TNS1: variants seen among roughly 807,000 people sequenced by gnomAD.
The protein encoded by TNS1 is tensin-1.
A neutral mutation model predicts 168.6 loss-of-function variants in TNS1; 62 were observed. The observed-to-expected ratio is 0.37, with a 90% CI of 0.30 to 0.45. TNS1 has a LOEUF of 0.45. TNS1 is among the 20% of genes least tolerant of loss of function. The pLI is 1.00. For missense variants in TNS1, 2,240 were observed against 2,339.4 expected, an observed-to-expected ratio of 0.96 and a Z score of 0.88; for synonymous variants, 934 against 933.2, an observed-to-expected ratio of 1.00 and a Z score of -0.02.
chr2:217,928,082 G>A (rs1320261691), intron 3 of TNS1, among the ~76,000 whole-genome samples: 1 of 152,230 alleles, frequency 6.6e-6, no homozygotes, highest in Non-Finnish European at 1.5e-5. Context: ...GCCCAGGGGA[G>A]AGGGCCAGTT....
intron 1 of TNS1, among the ~76,000 whole-genome samples, chr2:218,021,960 C>T (rs187294352): frequency 7.2e-5 from 11 of 151,772 alleles, no homozygotes; most frequent in South Asian, 4.2e-4. Context: ...GACCTCAGAG[C>T]GGGGGAAGGG....
chr2:217,995,940 C>T lies in TNS1; in HGVS notation c.34-4884G>A, dbSNP rs1958461245. ...GGCCCTCGGGGCTTCCTCTCCCTTC[C>T]CTCCTTCCATGCAGCCCAGCTTTCC... On this transcript the variant is annotated intron_variant, in intron 1 of 32. Coordinates refer to ENST00000682258, the MANE Select transcript of TNS1 (RefSeq NM_001387777.1). This position sits in a 1 kb window ranked among gnomAD's most constrained non-coding sequence, Gnocchi z 4.1. 6.6e-6 allele frequency among the ~76,000 whole-genome samples: 1 copy of T among 152,360 alleles called. No homozygotes were observed. Among genetic ancestry groups the T allele is most frequent in the South Asian group, 2.1e-4 (1 of 4,832 alleles).
At chr2:217,969,141 C>T (rs1575146447) in intron 3 of TNS1, among the ~76,000 whole-genome samples, 3 of 152,082 alleles carry the variant, frequency 2.0e-5, no homozygotes, top group South Asian at 4.2e-4. Flanking sequence ...GCCAAGACAA[C>T]CTTGAAAAAG....
Position 217,810,291 on chromosome 2 carries a change from G to A in TNS1, c.5061C>T (p.Ser1687=), listed in dbSNP as rs374455481. 6.1e-5 allele frequency: 99 copies of A among 1,614,138 alleles called. No individual in the cohort carries two copies. The highest frequency in any genetic ancestry group is 1.7e-4 in the Middle Eastern group (1 of 6,052). Residue 1687 remains serine, a synonymous_variant, in exon 29 of 33, where the codon TCC becomes TCT. Coordinates refer to ENST00000682258, the MANE Select transcript of TNS1 (RefSeq NM_001387777.1). ...GGTCTGCAGTTGAGTTGGCAGGGCC[G>A]GAGCTATCTTTCGATTCATCTGTGG... is the stretch of plus-strand genomic sequence containing the variant. ...RDPTDESKDS[S]GPANSTADLL...
In TNS1 at chr2:217,815,005, CAGG is replaced by C. The variant is rs765669856; in HGVS notation, c.4643-10_4643-8del. The stretch of plus-strand genomic sequence containing the variant: ...CGCGTCTCCGGGCTGTTGTCTAAAG[CAGG>C]AGAAGGGAAGAAAGTGTTATGGGTT... On this transcript the variant is annotated splice_polypyrimidine_tract_variant and splice_region_variant and intron_variant, in intron 24 of 32. Transcript: ENST00000682258. The C allele has an allele frequency of 5.0e-6, 8 of 1,609,150 alleles. No individual in the cohort carries two copies. The highest frequency in any genetic ancestry group is 4.5e-5 in the East Asian group (2 of 44,882).
rs560530498 is a variant in TNS1 at position 217,847,843 on chromosome 2, T to C, written c.2674A>G (p.Ile892Val). 25 of 1,589,150 alleles carry C rather than the reference T, an allele frequency of 1.6e-5. No individual in the cohort carries two copies. The African/African-American group carries it at 2.7e-4, about 17-fold the overall frequency. The change falls in exon 19 of 33, where the codon ATC (isoleucine) becomes GTC (valine). Residue 892 changes from isoleucine (I) to valine (V), a missense_variant. Ile to Val is a conservative substitution (Grantham distance 29). Around this residue, in one of 2 missense-constraint regions of TNS1, gnomAD observed 2,131 missense variants for 2,171.2 expected, o/e 0.98. Coordinates refer to ENST00000682258, the MANE Select transcript of TNS1 (RefSeq NM_001387777.1). ...HPLTQSRSGY[I>V]PSGHSLGTPE... ...GTTCCCAACGAATGCCCACTGGGGA[T>C]ATAGCCAGATCTGGACTGGGTCAGT...
At chr2:217,936,820 C>T (rs372821807) in intron 3 of TNS1, among the ~76,000 whole-genome samples, 4 of 152,278 alleles carry the variant, frequency 2.6e-5, no homozygotes, top group African/African-American at 9.6e-5. Flanking sequence ...ATGCCAGGCA[C>T]TGGGCTGAGA....
At position 217,831,543 on chromosome 2, in the gene TNS1, C is replaced by A. The variant is rs756612140; in HGVS notation, c.3285G>T (p.Arg1095=). 134 of 1,513,742 alleles carry A rather than the reference C, an allele frequency of 8.9e-5. No homozygotes were observed. The highest frequency in any genetic ancestry group is 1.1e-4 in the Non-Finnish European group (128 of 1,135,530). 93.8% of individuals were successfully genotyped at this position (1,513,742 alleles called of 1,614,324 possible). Reference sequence around the variant, plus strand: ...GTGTCTTGGCCAGACCCGGGGGGGACCGCACTGTGCCAGGAAGAAGAGGGG... The same window carrying A: ...GTGTCTTGGCCAGACCCGGGGGGGAACGCACTGTGCCAGGAAGAAGAGGGG... ...SPSSPPPSGV[R]SPPGLAKTPL... The change falls in exon 22 of 33, where the codon CGG becomes CGT. Residue 1095 remains arginine, a synonymous_variant. Transcript: ENST00000682258.
At chr2:217,925,388 C>A (rs528967740) in intron 3 of TNS1, among the ~76,000 whole-genome samples, 1 of 152,258 alleles carries the variant, frequency 6.6e-6, no homozygotes, top group African/African-American at 2.4e-5. Context: ...ACACTCCTGT[C>A]CCCAGGCCAC....
chr2:217,952,236 C>A (rs1378943780), intron 3 of TNS1, among the ~76,000 whole-genome samples: 1 of 152,232 alleles, frequency 6.6e-6, no homozygotes, highest in Admixed American at 6.5e-5. Context: ...TCCCTCCTCT[C>A]CCCATACCTG....
At chr2:217,830,498 CA>C in intron 22 of TNS1, 1 of 1,330,760 alleles carries the variant, frequency 7.5e-7, no homozygotes, top group Non-Finnish European at 1.0e-6. Context: ...ACCAAGGGCC[CA>C]GGGAGCCCTG....
intron 1 of TNS1, among the ~76,000 whole-genome samples, chr2:218,016,374 A>C (rs1014390928): frequency 6.6e-6 from 1 of 152,072 alleles, no homozygotes; most frequent in Non-Finnish European, 1.5e-5. Flanking sequence ...ATACAGATGG[A>C]TTATCAGGTC....
intron 18 of TNS1, chr2:217,850,251 G>T (rs1190058397): frequency 8.1e-6 from 8 of 985,294 alleles, no homozygotes; most frequent in Non-Finnish European, 7.2e-6. Flanking sequence ...CAAGCCAACA[G>T]TCCCTGTGCC....
intron 3 of TNS1, among the ~76,000 whole-genome samples, chr2:217,927,469 G>A (rs981101797): frequency 1.3e-5 from 2 of 152,184 alleles, no homozygotes; most frequent in African/African-American, 4.8e-5. Context: ...TGTAGGAGAA[G>A]GACCAGGCTG....
intron 21 of TNS1, among the ~76,000 whole-genome samples, chr2:217,833,434 T>C (rs1944732067): frequency 6.6e-6 from 1 of 152,264 alleles, no homozygotes; most frequent in Non-Finnish European, 1.5e-5. Flanking sequence ...CCTGTGTGTC[T>C]ATGGAACCTC....
chr2:217,930,540 G>A (rs73078379), intron 3 of TNS1, among the ~76,000 whole-genome samples: 7,226 of 152,274 alleles, frequency 0.047, 561 homozygotes, highest in African/African-American at 0.16. Flanking sequence ...CAGGACCCTG[G>A]AGTGGCCTCA....
chr2:218,030,474 G>T (rs1958882978), intron 1 of TNS1, among the ~76,000 whole-genome samples: 1 of 152,228 alleles, frequency 6.6e-6, no homozygotes, highest in African/African-American at 2.4e-5. Context: ...CCCCCTGAGG[G>T]CAAGGACCCG....
intron 9 of TNS1, among the ~76,000 whole-genome samples, chr2:217,894,676 C>A (rs557711087): frequency 2.6e-5 from 4 of 151,914 alleles, no homozygotes; most frequent in Admixed American, 6.6e-5. Context: ...AACAAACAAA[C>A]AAAAAAACCG....
At chr2:217,946,957 T>TCACACACA (rs1234529063) in intron 3 of TNS1, among the ~76,000 whole-genome samples, 142 of 112,524 alleles carry the variant, frequency 1.3e-3, no homozygotes, top group African/African-American at 2.0e-3. Context: ...TCTCTCTCTC[T>TCACACACA]CTCTCTCTCT....
Sources: allele counts gnomAD v4.1 joint callset (sites outside exome capture counted in the v4.1 genomes callset), GRCh38; gene constraint gnomAD v4.1.1; regional missense constraint gnomAD v4.1.1; non-coding constraint Gnocchi (gnomAD v3.1); transcripts MANE v1.5; gene names NCBI Gene and HGNC (gene_info 2026-07-23, HGNC 2026-07-21).